Variants in TNFAIP6 observed in about 807,000 individuals in gnomAD.
TNFAIP6 encodes tumor necrosis factor-inducible gene 6 protein.
A neutral mutation model predicts 33.7 loss-of-function variants in TNFAIP6; 36 were observed. That is an observed-to-expected ratio of 1.07 (90% CI 0.82 to 1.41). TNFAIP6 has a LOEUF of 1.41. Ranked by LOEUF, TNFAIP6 falls within the 40% of genes most tolerant of loss-of-function variation. TNFAIP6 has a pLI of 0.00. For synonymous variants in TNFAIP6, 113 were observed against 112.8 expected (o/e 1.00, Z -0.01); for missense variants, 273 against 331.9 (o/e 0.82, Z 1.38).
chr2:151,365,243 T>A (rs1420151213), intron 2 of TNFAIP6, among the ~76,000 whole-genome samples: 2 of 152,134 alleles, frequency 1.3e-5, no homozygotes, highest in Non-Finnish European at 2.9e-5. Context: ...CTCTAAAGAC[T>A]GAGGTGAGAG....
intron 3 of TNFAIP6, 56 bp from the exon 4 acceptor site, chr2:151,369,964 G>C (rs1344616447): frequency 7.6e-7 from 1 of 1,307,732 alleles, no homozygotes; most frequent in Non-Finnish European, 1.1e-6. Context: ...TTTTAACAGG[G>C]ATAATGTTTT....
At chr2:151,365,871 C>T (rs560745925) in intron 2 of TNFAIP6, among the ~76,000 whole-genome samples, 185 bp from the exon 3 acceptor site, 1 of 152,142 alleles carries the variant, frequency 6.6e-6, no homozygotes, top group South Asian at 2.1e-4. Flanking sequence ...CAATAAAAAT[C>T]AGAAGTTATA....
intron 5 of TNFAIP6, among the ~76,000 whole-genome samples, chr2:151,376,536 C>T (rs1684910250): frequency 6.6e-6 from 1 of 152,086 alleles, no homozygotes; most frequent in Non-Finnish European, 1.5e-5. Context: ...CCCAGAAAGG[C>T]ATTTGATAAC....
At chr2:151,369,416 A>G (rs371502424) in intron 3 of TNFAIP6, among the ~76,000 whole-genome samples, 7 of 152,142 alleles carry the variant, frequency 4.6e-5, no homozygotes, top group Admixed American at 2.0e-4. Flanking sequence ...CAGCCTCCCA[A>G]TTAGCTGGGA....
chr2:151,380,255 T>A (rs1267313551), downstream of TNFAIP6, among the ~76,000 whole-genome samples: 1 of 152,200 alleles, frequency 6.6e-6, no homozygotes, highest in Non-Finnish European at 1.5e-5. Flanking sequence ...TGCCTTTTTT[T>A]CACTATTTTT....
At chr2:151,361,855 A>G (rs969680642) in intron 1 of TNFAIP6, among the ~76,000 whole-genome samples, 1 of 152,220 alleles carries the variant, frequency 6.6e-6, no homozygotes, top group Non-Finnish European at 1.5e-5. Flanking sequence ...TCTGACCTCG[A>G]GCATCAGATT....
At chr2:151,369,347 G>T (rs1348725568) in intron 3 of TNFAIP6, among the ~76,000 whole-genome samples, 2 of 151,906 alleles carry the variant, frequency 1.3e-5, no homozygotes, top group African/African-American at 4.8e-5. Flanking sequence ...AGAGCTGGAG[G>T]TCTCACTATG....
At position 151,360,817 on chromosome 2, in the gene TNFAIP6, G is replaced by A. The variant is rs77042440; in HGVS notation, c.94+3057G>A. ...CTGTTATTATGTTATTACTAGACAA[G>A]TTTCAGTAGGTACCAAAAGTTTAAG... On this transcript the variant is annotated intron_variant, in intron 1 of 5. Coordinates refer to ENST00000243347, the MANE Select transcript of TNFAIP6 (RefSeq NM_007115.4). 3.2e-3 allele frequency among the ~76,000 whole-genome samples: 492 copies of A among 152,148 alleles called. 10 individuals are homozygous for A. In the East Asian group the frequency reaches 0.06, roughly 18 times the overall value.
At chr2:151,363,262 G>A (rs1684658120) in intron 1 of TNFAIP6, among the ~76,000 whole-genome samples, 1 of 152,120 alleles carries the variant, frequency 6.6e-6, no homozygotes, top group Non-Finnish European at 1.5e-5. Flanking sequence ...ATTGCAGTGA[G>A]CCCAGATTGC....
chr2:151,369,926 A>T, intron 3 of TNFAIP6, 94 bp from the exon 4 acceptor site: 1 of 932,128 alleles, frequency 1.1e-6, no homozygotes, highest in Non-Finnish European at 1.6e-6. Flanking sequence ...CATTTCATAA[A>T]AAGTAATAGA....
chr2:151,377,178 C>T (rs4260238), intron 5 of TNFAIP6, among the ~76,000 whole-genome samples: 23,318 of 140,812 alleles, frequency 0.17, 2,214 homozygotes, highest in African/African-American at 0.27. Context: ...CTTTTCTTTT[C>T]TTTTTTTTTG....
At chr2:151,366,849 C>T (rs887316737) in intron 3 of TNFAIP6, among the ~76,000 whole-genome samples, 4 of 151,850 alleles carry the variant, frequency 2.6e-5, no homozygotes, top group African/African-American at 9.7e-5. Context: ...CATATTTTTT[C>T]CATGTTTGCT....
At chr2:151,365,292 G>C (rs911215094) in intron 2 of TNFAIP6, among the ~76,000 whole-genome samples, 1 of 151,074 alleles carries the variant, frequency 6.6e-6, no homozygotes, top group African/African-American at 2.4e-5. Context: ...GCAGTGAGCT[G>C]TGTTCATGCC....
chr2:151,376,553 G>A (rs898667055), intron 5 of TNFAIP6, among the ~76,000 whole-genome samples: 1 of 152,026 alleles, frequency 6.6e-6, no homozygotes, highest in Non-Finnish European at 1.5e-5. Context: ...TAACTCTGTA[G>A]TGACCATCCT....
chr2:151,368,682 T>C (rs1684758289), intron 3 of TNFAIP6, among the ~76,000 whole-genome samples: 1 of 152,004 alleles, frequency 6.6e-6, no homozygotes, highest in South Asian at 2.1e-4. Context: ...AAAGGCAGTA[T>C]ACAGAATAAT....
chr2:151,379,651 A>G lies in TNFAIP6; in HGVS notation c.*118A>G. Reference sequence around the variant, plus strand: ...TTATTTTTCTAAATGTGAAAGCAATACATAATTTAGGGAAAATTGGAAAAT... The same window carrying G: ...TTATTTTTCTAAATGTGAAAGCAATGCATAATTTAGGGAAAATTGGAAAAT... On this transcript the variant is annotated 3_prime_UTR_variant, in exon 6 of 6. Coordinates refer to ENST00000243347, the MANE Select transcript of TNFAIP6 (RefSeq NM_007115.4). The G allele has an allele frequency of 2.4e-6, 2 of 838,960 alleles. No homozygotes were observed. The highest frequency in any genetic ancestry group is 3.2e-6 in the Non-Finnish European group (2 of 616,750). The allele number at this position is 838,960 out of a possible 1,614,324, so 52.0% of individuals were successfully genotyped here.
Position 151,370,135 on chromosome 2 carries a change from T to A in TNFAIP6, c.510T>A (p.Gly170=). The change falls in exon 4 of 6, where the codon GGT becomes GGA. Residue 170 remains glycine, a synonymous_variant. Coordinates refer to ENST00000243347, the MANE Select transcript of TNFAIP6 (RefSeq NM_007115.4). The stretch of plus-strand genomic sequence containing the variant: ...ACTGGCACATTAGACTCAAGTATGG[T>A]CAGCGTATTCACCTGAGTTTTTTAG... ...ICYWHIRLKY[G]QRIHLSFLDF... 1.2e-6 allele frequency: 2 copies of A among 1,614,118 alleles called. No homozygotes were observed. The highest frequency in any genetic ancestry group is 1.7e-6 in the Non-Finnish European group (2 of 1,180,014).
At chr2:151,365,212 G>A (rs1444356538) in intron 2 of TNFAIP6, among the ~76,000 whole-genome samples, 1 of 152,130 alleles carries the variant, frequency 6.6e-6, no homozygotes, top group Admixed American at 6.5e-5. Flanking sequence ...GTGTGGTGAT[G>A]CACACCTGTG....
At chr2:151,363,863 C>A (rs370261670) in intron 1 of TNFAIP6, 80 bp from the exon 2 acceptor site, 12 of 1,538,022 alleles carry the variant, frequency 7.8e-6, no homozygotes, top group Admixed American at 4.1e-5. Context: ...CTGTTGTAAT[C>A]TTCCAGCTGA....
Sources: gnomAD v4.1 joint callset for allele counts (sites outside exome capture counted in the v4.1 genomes callset) on GRCh38, gnomAD v4.1.1 for gene constraint, MANE v1.5 for transcripts, NCBI Gene and HGNC (gene_info 2026-07-23, HGNC 2026-07-21) for gene names.